The following UGT2A1 variants were observed in gnomAD, a reference collection of about 807,000 sequenced individuals.
UGT2A1 encodes UDP glucuronosyltransferase family 2 member A1 complex locus.
UGT2A1 carries 61 observed loss-of-function variants against 45.4 expected under a neutral mutation model. That is an observed-to-expected ratio of 1.34 (90% CI 1.09 to 1.66). UGT2A1 has a LOEUF of 1.66. Ranked by LOEUF, UGT2A1 falls within the 40% of genes most tolerant of loss-of-function variation. The probability of loss-of-function intolerance (pLI) is 0.00; values close to 1 mark genes in which losing one functional copy is unlikely to be tolerated. For missense variants in UGT2A1, 649 were observed against 574.3 expected (o/e 1.13, Z -1.33); for synonymous variants, 229 against 196.2 (o/e 1.17, Z -1.40).
chr4:69,627,336 T>G (rs1415616823), intron 3 of UGT2A1, among the ~76,000 whole-genome samples: 1 of 151,798 alleles, frequency 6.6e-6, no homozygotes, highest in Non-Finnish European at 1.5e-5. Flanking sequence ...CTTAACAGCA[T>G]TAAAACAGTA....
At chr4:69,616,833 CTTTTTTT>C (rs4148315) in intron 3 of UGT2A1, among the ~76,000 whole-genome samples, 1 of 127,300 alleles carries the variant, frequency 7.9e-6, no homozygotes, top group Non-Finnish European at 1.6e-5. Flanking sequence ...ATTTTCTTTT[CTTTTTTT>C]TTTTTTTTTT....
chr4:69,642,769 T>G (rs1033815468), intron 2 of UGT2A1, among the ~76,000 whole-genome samples: 8 of 151,574 alleles, frequency 5.3e-5, no homozygotes, highest in Non-Finnish European at 1.0e-4. Flanking sequence ...ATGTTATGTA[T>G]TTTTACATAT....
chr4:69,639,628 T>C (rs1204020648), intron 2 of UGT2A1: 3 of 1,582,202 alleles, frequency 1.9e-6, no homozygotes, highest in Non-Finnish European at 2.6e-6. Flanking sequence ...GTAAAATCCC[T>C]TATGGAAACC....
At chr4:69,617,299 TG>T (rs1380319776) in intron 3 of UGT2A1, among the ~76,000 whole-genome samples, 1 of 151,892 alleles carries the variant, frequency 6.6e-6, no homozygotes, top group Non-Finnish European at 1.5e-5. Context: ...CTATGGATGA[TG>T]GTTGATAGTG....
intron 4 of UGT2A1, among the ~76,000 whole-genome samples, chr4:69,598,452 A>G (rs868022655): frequency 6.6e-6 from 1 of 152,112 alleles, no homozygotes; most frequent in African/African-American, 2.4e-5. Context: ...TTTTCTGAAG[A>G]CTTCATATTG....
intron 3 of UGT2A1, among the ~76,000 whole-genome samples, chr4:69,630,754 A>T (rs1721335477): frequency 6.6e-6 from 1 of 152,172 alleles, no homozygotes; most frequent in African/African-American, 2.4e-5. Context: ...GAACTGGTAT[A>T]CAGACCCTAA....
rs1276078398 is a variant in UGT2A1 at position 69,605,162 on chromosome 4, T to C, written c.848-5768A>G. On this transcript the variant is annotated intron_variant, in intron 3 of 6. Coordinates refer to ENST00000286604, the MANE Select transcript of UGT2A1 (RefSeq NM_001252275.3). The stretch of plus-strand genomic sequence containing the variant: ...CGCACTTATTCCAAAATTGACCACA[T>C]AGTTGGAAGTAAAGCACTCCTCAGC... Among the ~76,000 whole-genome samples, 2 of 136,572 alleles carry C rather than the reference T, an allele frequency of 1.5e-5. 1 individual carries two copies. Among genetic ancestry groups the C allele is most frequent in the African/African-American group, 5.9e-5 (2 of 33,642 alleles). The allele number at this position is 136,572 out of a possible 152,430, so 89.6% of individuals were successfully genotyped here.
At chr4:69,624,609 T>G (rs772188591) in intron 3 of UGT2A1, among the ~76,000 whole-genome samples, 22 of 151,370 alleles carry the variant, frequency 1.5e-4, no homozygotes, top group Non-Finnish European at 2.8e-4. Context: ...TTTTAGCTTA[T>G]TAAATATTCT....
intron 6 of UGT2A1, among the ~76,000 whole-genome samples, chr4:69,592,669 T>C (rs1718654689): frequency 6.6e-6 from 1 of 151,984 alleles, no homozygotes; most frequent in Non-Finnish European, 1.5e-5. Context: ...GAATTAATAA[T>C]AGTAAAAATT....
At chr4:69,636,933 A>G (rs1209438769) in intron 2 of UGT2A1, among the ~76,000 whole-genome samples, 1 of 152,148 alleles carries the variant, frequency 6.6e-6, no homozygotes, top group Non-Finnish European at 1.5e-5. Context: ...CTGAAGCCAC[A>G]TGCATTTTTC....
chr4:69,596,898 G>A (rs1052181391), intron 4 of UGT2A1, among the ~76,000 whole-genome samples: 1 of 152,148 alleles, frequency 6.6e-6, no homozygotes, highest in South Asian at 2.1e-4. Context: ...ACAAGTCCAA[G>A]CATGAAAGCA....
chr4:69,636,374 G>T (rs1479512934), intron 2 of UGT2A1, among the ~76,000 whole-genome samples: 1 of 151,976 alleles, frequency 6.6e-6, no homozygotes, highest in Non-Finnish European at 1.5e-5. Context: ...TACAAAATGG[G>T]GTTTTACCAG....
chr4:69,638,580 AT>A, intron 2 of UGT2A1, among the ~76,000 whole-genome samples: 1 of 152,114 alleles, frequency 6.6e-6, no homozygotes, highest in East Asian at 1.9e-4. Context: ...TTGCCAGGGT[AT>A]TTTTCAGTAG....
At chr4:69,617,822 G>A (rs964358815) in intron 3 of UGT2A1, among the ~76,000 whole-genome samples, 7 of 151,506 alleles carry the variant, frequency 4.6e-5, no homozygotes, top group Non-Finnish European at 8.8e-5. Flanking sequence ...ATATAACTAG[G>A]TTTCAAAATA....
chr4:69,600,820 A>C (rs1017478488), intron 3 of UGT2A1, among the ~76,000 whole-genome samples: 5 of 151,302 alleles, frequency 3.3e-5, no homozygotes, highest in Non-Finnish European at 5.9e-5. Flanking sequence ...AAAAAAAAAA[A>C]CAGATCTCGT....
intron 3 of UGT2A1, among the ~76,000 whole-genome samples, chr4:69,627,723 T>G (rs183472872): frequency 6.6e-6 from 1 of 151,848 alleles, no homozygotes; most frequent in Non-Finnish European, 1.5e-5. Flanking sequence ...CAAAGGCAAG[T>G]GTCCCTGTAT....
At chr4:69,613,611 A>G (rs1455607891) in intron 3 of UGT2A1, among the ~76,000 whole-genome samples, 1 of 152,046 alleles carries the variant, frequency 6.6e-6, no homozygotes, top group Non-Finnish European at 1.5e-5. Context: ...ACAACATATT[A>G]AAAAGATCAT....
At chr4:69,645,166 G>A (rs138789174) in intron 2 of UGT2A1, among the ~76,000 whole-genome samples, 127 of 151,724 alleles carry the variant, frequency 8.4e-4, no homozygotes, top group African/African-American at 2.9e-3. Flanking sequence ...TATCAGTAAC[G>A]AATGCACACA....
intron 4 of UGT2A1, among the ~76,000 whole-genome samples, chr4:69,596,712 G>T (rs1179751041): frequency 6.6e-6 from 1 of 152,104 alleles, no homozygotes; most frequent in Admixed American, 6.5e-5. Flanking sequence ...AGTAGAGATG[G>T]TGTTTCACCA....
Sources: allele counts gnomAD v4.1 joint callset (sites outside exome capture counted in the v4.1 genomes callset), GRCh38; gene constraint gnomAD v4.1.1; transcripts MANE v1.5; gene names NCBI Gene and HGNC (gene_info 2026-07-23, HGNC 2026-07-21).